ME1: variants seen among roughly 807,000 people sequenced by gnomAD.
ME1 encodes the protein malic enzyme 1.
A neutral mutation model predicts 66.4 loss-of-function variants in ME1; 74 were observed. That is an observed-to-expected ratio of 1.11 (90% CI 0.92 to 1.35). The LOEUF (loss-of-function observed/expected upper bound fraction) is 1.35. Among genes scored for constraint, ME1 ranks in the 40% most tolerant of loss-of-function variants. The pLI is 0.00. For synonymous variants in ME1, 251 were observed against 235.6 expected (o/e 1.07, Z -0.60); for missense variants, 750 against 694.1 (o/e 1.08, Z -0.90).
chr6:83,245,917 T>TA (rs1790612409), intron 7 of ME1, among the ~76,000 whole-genome samples: 1 of 152,190 alleles, frequency 6.6e-6, no homozygotes, highest in Non-Finnish European at 1.5e-5. Context: ...GATCTACACA[T>TA]AAAAATGTTT....
At chr6:83,261,222 CT>C (rs1281734169) in intron 6 of ME1, among the ~76,000 whole-genome samples, 1 of 152,032 alleles carries the variant, frequency 6.6e-6, no homozygotes, top group Non-Finnish European at 1.5e-5. Flanking sequence ...TGATATTGAG[CT>C]TTTTTTCATA....
chr6:83,399,365 A>G (rs889941849), intron 2 of ME1, among the ~76,000 whole-genome samples: 4 of 152,214 alleles, frequency 2.6e-5, no homozygotes, highest in African/African-American at 9.6e-5. Context: ...AAACATTAAA[A>G]TCACTGCTGA....
intron 5 of ME1, among the ~76,000 whole-genome samples, chr6:83,334,420 G>C (rs1442852479): frequency 1.9e-5 from 1 of 51,810 alleles, no homozygotes. Context: ...GGCTTGCTTA[G>C]GTAAACAAAG....
chr6:83,241,925 C>T (rs982696954), intron 7 of ME1, among the ~76,000 whole-genome samples: 7 of 152,086 alleles, frequency 4.6e-5, no homozygotes, highest in African/African-American at 1.7e-4. Context: ...TGCAGTGGCG[C>T]GATCCTGGCT....
chr6:83,224,693 A>T (rs868037878), intron 11 of ME1, among the ~76,000 whole-genome samples: 15 of 135,856 alleles, frequency 1.1e-4, no homozygotes, highest in Admixed American at 8.7e-4. Flanking sequence ...CAAAAAAAAA[A>T]AAAATAAAAA....
chr6:83,397,938 A>T (rs1308035905), intron 3 of ME1, among the ~76,000 whole-genome samples: 1 of 152,228 alleles, frequency 6.6e-6, no homozygotes, highest in Non-Finnish European at 1.5e-5. Flanking sequence ...AACTCATAGT[A>T]GCAAAGAGAA....
chr6:83,326,683 A>C (rs1420794622), intron 5 of ME1, among the ~76,000 whole-genome samples: 1 of 152,244 alleles, frequency 6.6e-6, no homozygotes, highest in Non-Finnish European at 1.5e-5. Flanking sequence ...CCACAATGAG[A>C]TATCATCTCA....
At chr6:83,393,389 A>G in intron 3 of ME1, 2 of 742,040 alleles carry the variant, frequency 2.7e-6, no homozygotes, top group Non-Finnish European at 4.7e-6. Flanking sequence ...CTCTGCCCAC[A>G]GTGTGGCTTC....
At chr6:83,255,587 G>A (rs1239118601) in intron 6 of ME1, among the ~76,000 whole-genome samples, 1 of 151,142 alleles carries the variant, frequency 6.6e-6, no homozygotes, top group Non-Finnish European at 1.5e-5. Flanking sequence ...TTACTGTTAG[G>A]CCATAGATTA....
At position 83,346,267 on chromosome 6, in the gene ME1, A is replaced by T; in HGVS notation, c.506T>A (p.Ile169Asn). Residue 169 changes from isoleucine (I) to asparagine (N), a missense_variant, in exon 5 of 14, where the codon ATC (isoleucine) becomes AAC (asparagine). Coordinates refer to ENST00000369705, the MANE Select transcript of ME1 (RefSeq NM_002395.6). ...ATATAGAGCCAATTTACCCACAGGG[A>T]TGCCCATTCCATTACAGCCAAGGTC... The part of the protein sequence containing the change: ...LGDLGCNGMG[I>N]PVGKLALYTA... The T allele has an allele frequency of 6.2e-7, 1 of 1,613,572 alleles. No individual in the cohort carries two copies. Among genetic ancestry groups the T allele is most frequent in the South Asian group, 1.1e-5 (1 of 91,030 alleles).
chr6:83,246,493 T>C (rs1583338184), intron 7 of ME1, among the ~76,000 whole-genome samples: 1 of 152,142 alleles, frequency 6.6e-6, no homozygotes, highest in African/African-American at 2.4e-5. Context: ...TACCTACTAT[T>C]TTAACATGCT....
chr6:83,318,544 A>G (rs1768084105), intron 5 of ME1, among the ~76,000 whole-genome samples: 2 of 96,306 alleles, frequency 2.1e-5, no homozygotes, highest in Non-Finnish European at 4.4e-5. Flanking sequence ...CAAAAAACAC[A>G]TGAAAAAATG....
intron 6 of ME1, among the ~76,000 whole-genome samples, chr6:83,311,522 G>C (rs967420323): frequency 6.6e-6 from 1 of 152,136 alleles, no homozygotes; most frequent in Non-Finnish European, 1.5e-5. Context: ...GCGAGGCTCA[G>C]AGAACTGGGC....
intron 6 of ME1, among the ~76,000 whole-genome samples, chr6:83,291,295 G>T (rs901720762): frequency 2.6e-5 from 4 of 152,160 alleles, no homozygotes; most frequent in East Asian, 1.9e-4. Context: ...TCCTTCAGAA[G>T]CTCTTGTAAG....
rs200295580 is a variant in ME1 at position 83,357,900 on chromosome 6, CCCCT to C, written c.363-5765_363-5762del. ...CATGTTAGTTAATACTTAATAAACT[CCCCT>C]CTCTCTCTCTCTCTCTCTCTCTCTC... On this transcript the variant is annotated intron_variant, in intron 3 of 13. Transcript: ENST00000369705. Among the ~76,000 whole-genome samples, 15 of 56,210 alleles carry C rather than the reference CCCCT, an allele frequency of 2.7e-4. 1 individual carries two copies. Among genetic ancestry groups the C allele is most frequent in the African/African-American group, 1.0e-3 (12 of 11,494 alleles). 36.9% of individuals were successfully genotyped at this position (56,210 alleles called of 152,430 possible).
intron 2 of ME1, among the ~76,000 whole-genome samples, chr6:83,405,548 A>G (rs1367549395): frequency 6.6e-6 from 1 of 152,168 alleles, no homozygotes; most frequent in Non-Finnish European, 1.5e-5. Flanking sequence ...CATGCTGAAT[A>G]GGAGTAGTGA....
chr6:83,227,382 T>C lies in ME1; in HGVS notation c.1228A>G (p.Thr410Ala), dbSNP rs377013777. 1.1e-5 allele frequency: 17 copies of C among 1,604,784 alleles called. No individual in the cohort carries two copies. The African/African-American group carries it at 2.0e-4, about 19-fold the overall frequency. The change falls in exon 11 of 14, where the codon ACT becomes GCT. Residue 410 changes from threonine to alanine, a missense_variant. Coordinates refer to ENST00000369705, the MANE Select transcript of ME1 (RefSeq NM_002395.6). ...RPIIFALSNP[T>A]SKAECSAEQC... is the part of the protein sequence containing the mutation. ...TCTGCAGAACATTCTGCTTTGCTAG[T>C]TGGATTACTCAAAGCAAAAATAATA...
chr6:83,378,388 A>G (rs1769333950), intron 3 of ME1, among the ~76,000 whole-genome samples: 2 of 152,194 alleles, frequency 1.3e-5, no homozygotes, highest in South Asian at 4.1e-4. Context: ...TATAAAGCAC[A>G]TTGAACAACA....
At chr6:83,236,341 A>C (rs2128525179) in intron 9 of ME1, among the ~76,000 whole-genome samples, 1 of 152,296 alleles carries the variant, frequency 6.6e-6, no homozygotes, top group Middle Eastern at 3.4e-3. Context: ...TTGAATGGAA[A>C]CTAGTGGCTC....
Sources: gnomAD v4.1 joint callset for allele counts (sites outside exome capture counted in the v4.1 genomes callset) on GRCh38, gnomAD v4.1.1 for gene constraint, MANE v1.5 for transcripts, NCBI Gene and HGNC (gene_info 2026-07-23, HGNC 2026-07-21) for gene names.